SOX5: variants seen among roughly 807,000 people sequenced by gnomAD.
SOX5 encodes transcription factor SOX-5.
Under a neutral mutation model 92.0 loss-of-function variants are expected in SOX5, and 9 were observed. That is an observed-to-expected ratio of 0.10 (90% CI 0.06 to 0.17). The LOEUF (loss-of-function observed/expected upper bound fraction) is 0.17. Ranked by LOEUF, SOX5 falls within the 10% of genes least tolerant of loss-of-function variation. The pLI is 1.00. For synonymous variants in SOX5, 344 were observed against 336.3 expected, an observed-to-expected ratio of 1.02 and a Z score of -0.25; for missense variants, 642 against 944.5, an observed-to-expected ratio of 0.68 and a Z score of 4.20.
intron 4 of SOX5, among the ~76,000 whole-genome samples, chr12:24,204,507 T>A (rs1480818269): frequency 1.3e-5 from 2 of 152,038 alleles, no homozygotes; most frequent in African/African-American, 2.4e-5. Flanking sequence ...TTTTGTATTT[T>A]TAGTAGAGAC....
Position 24,221,280 on chromosome 12 carries a change from ACTC to A in SOX5, c.-76-7866_-76-7864del, listed in dbSNP as rs200948700. Among the ~76,000 whole-genome samples, 1,167 of 151,924 alleles carry A rather than the reference ACTC, an allele frequency of 7.7e-3. 22 individuals carry two copies. Among genetic ancestry groups the A allele is most frequent in the African/African-American group, 0.027 (1,123 of 41,426 alleles). The stretch of plus-strand genomic sequence containing the variant: ...GAAGGCCTCCTCCACCCTATCCATC[ACTC>A]CTCCTTCTTCCTTTCCTTTCTTTCC... On this transcript the variant is annotated intron_variant, in intron 3 of 4. Coordinates refer to the SOX5 transcript ENST00000446891.
At chr12:24,073,684 A>T (rs1335203899) in intron 4 of SOX5, among the ~76,000 whole-genome samples, 1 of 152,222 alleles carries the variant, frequency 6.6e-6, no homozygotes, top group East Asian at 1.9e-4. Flanking sequence ...ATCATTTTTC[A>T]AATAAACATC....
At chr12:24,334,539 A>G (rs1424361273) in intron 2 of SOX5, among the ~76,000 whole-genome samples, 3 of 152,192 alleles carry the variant, frequency 2.0e-5, no homozygotes, top group Admixed American at 6.5e-5. Flanking sequence ...AAAATGCTCA[A>G]TCCTGGCAAA....
intron 1 of SOX5, among the ~76,000 whole-genome samples, chr12:23,943,904 G>GA (rs1171150981): frequency 6.6e-6 from 1 of 152,026 alleles, no homozygotes; most frequent in Non-Finnish European, 1.5e-5. Flanking sequence ...ATAATGACCG[G>GA]AAAATGATAC....
chr12:23,950,983 A>G, upstream of SOX5: 1 of 634,906 alleles, frequency 1.6e-6, no homozygotes. Flanking sequence ...GCATGCACAC[A>G]CACACACACA....
chr12:24,359,441 C>T (rs1243012687), intron 2 of SOX5, among the ~76,000 whole-genome samples: 1 of 152,172 alleles, frequency 6.6e-6, no homozygotes, highest in Non-Finnish European at 1.5e-5. Flanking sequence ...TGCTTTCTCC[C>T]ACTGTTCTCT....
intron 8 of SOX5, among the ~76,000 whole-genome samples, chr12:23,621,955 C>A (rs555999651): frequency 6.6e-6 from 1 of 152,114 alleles, no homozygotes; most frequent in Non-Finnish European, 1.5e-5. Flanking sequence ...AACTGTCACT[C>A]TTTACATCAA....
chr12:24,429,291 T>G (rs1460097980), intron 1 of SOX5, among the ~76,000 whole-genome samples: 1 of 151,712 alleles, frequency 6.6e-6, no homozygotes, highest in Non-Finnish European at 1.5e-5. Context: ...CACTCCAGCC[T>G]GGGGGACAGA....
intron 8 of SOX5, 25 bp from the exon 9 acceptor site, chr12:23,604,558 G>T: frequency 6.2e-7 from 1 of 1,606,492 alleles, no homozygotes. Context: ...GAGAGAGAGG[G>T]AGAAAGAATA....
At chr12:23,862,008 C>T (rs1396688765) in intron 2 of SOX5, among the ~76,000 whole-genome samples, 1 of 152,044 alleles carries the variant, frequency 6.6e-6, no homozygotes, top group African/African-American at 2.4e-5. Context: ...TCTATTATTT[C>T]CCTTCTATTC....
chr12:23,574,161 C>T (rs1362305870), intron 10 of SOX5, among the ~76,000 whole-genome samples: 1 of 151,938 alleles, frequency 6.6e-6, no homozygotes, highest in Non-Finnish European at 1.5e-5. Context: ...TAATGCAATA[C>T]CTATGATTCT....
At chr12:23,662,614 T>C (rs1462700677) in intron 7 of SOX5, among the ~76,000 whole-genome samples, 1 of 152,200 alleles carries the variant, frequency 6.6e-6, no homozygotes, top group African/African-American at 2.4e-5. Flanking sequence ...AAACGATCTT[T>C]ATGTCCAACT....
chr12:24,438,302 G>T (rs1242597063), intron 1 of SOX5, among the ~76,000 whole-genome samples: 1 of 152,062 alleles, frequency 6.6e-6, no homozygotes, highest in Non-Finnish European at 1.5e-5. Context: ...GCCAAGGGAG[G>T]GATAGCGTTA....
Position 24,114,991 on chromosome 12 carries a change from T to A in SOX5, c.-2+98352A>T, listed in dbSNP as rs374013053. Among the ~76,000 whole-genome samples, 21 of 152,158 alleles carry A rather than the reference T, an allele frequency of 1.4e-4. No individual in the cohort carries two copies. In the South Asian group the frequency reaches 4.1e-3, roughly 30 times the overall value. On this transcript the variant is annotated intron_variant, in intron 4 of 4. Coordinates refer to the SOX5 transcript ENST00000446891. ...AAAATGAAGTATCAAAAAAGTATAC[T>A]TAAAAATTGAAAATAGATGTGATAA...
At chr12:23,896,149 C>T in intron 1 of SOX5, 125 bp from the exon 2 acceptor site, 1 of 657,662 alleles carries the variant, frequency 1.5e-6, no homozygotes. Context: ...AGGAAACCAT[C>T]CAAATACCAC....
At chr12:24,387,914 C>T (rs1553671) in intron 1 of SOX5, among the ~76,000 whole-genome samples, 52,323 of 151,900 alleles carry the variant, frequency 0.34, 8,961 homozygotes, top group East Asian at 0.42. Flanking sequence ...AATATTCCCT[C>T]TGCTTTCTCA....
intron 3 of SOX5, chr12:23,762,738 C>A (rs1371377162): frequency 2.4e-6 from 1 of 423,374 alleles, no homozygotes. Context: ...ATCAGCTGAA[C>A]CTGCTCAATT....
chr12:23,825,097 G>A (rs895716577), intron 3 of SOX5, among the ~76,000 whole-genome samples: 3 of 152,048 alleles, frequency 2.0e-5, no homozygotes, highest in Non-Finnish European at 4.4e-5. Flanking sequence ...CAGGGGGAGT[G>A]AACGGTTCTG....
rs111309849 is a variant in SOX5, at chr12:23,759,067, T to A, written c.482-3343A>T. The stretch of plus-strand genomic sequence containing the variant: ...CACACACACACACACACACACACAC[T>A]GTCCCTCATTTAATCTACAAAACAG... On this transcript the variant is annotated intron_variant, in intron 3 of 14. Transcript: ENST00000451604. Among the ~76,000 whole-genome samples the A allele has an allele frequency of 2.8e-4, 35 of 127,226 alleles. 1 individual carries two copies. The highest frequency in any genetic ancestry group is 8.2e-4 in the African/African-American group (28 of 34,166). The allele number at this position is 127,226 out of a possible 152,430, so 83.5% of individuals were successfully genotyped here. A position where few individuals can be genotyped will look rare whatever the true frequency, so the allele number is the denominator to read the frequency against.
Sources: gnomAD v4.1 joint callset for allele counts (sites outside exome capture counted in the v4.1 genomes callset) on GRCh38, gnomAD v4.1.1 for gene constraint, MANE v1.5 for transcripts, NCBI Gene and HGNC (gene_info 2026-07-23, HGNC 2026-07-21) for gene names.